MUC22: variants seen among roughly 807,000 people sequenced by gnomAD.
MUC22 encodes mucin 22, also known as mucin-22.
A neutral mutation model predicts 40.3 loss-of-function variants in MUC22; 24 were observed. The observed-to-expected ratio is 0.60, with a 90% CI of 0.43 to 0.84. The LOEUF (loss-of-function observed/expected upper bound fraction) is 0.84. Among genes scored for constraint, MUC22 ranks in the 40% least tolerant of loss-of-function variants. The probability of loss-of-function intolerance (pLI) is 0.00; values close to 1 mark genes in which losing one functional copy is unlikely to be tolerated. For synonymous variants in MUC22, 765 were observed against 844.5 expected (o/e 0.91, Z 1.63); for missense variants, 1,926 against 2,130.7 (o/e 0.90, Z 1.89).
intron 1 of MUC22, among the ~76,000 whole-genome samples, chr6:31,021,916 G>A (rs986513655): frequency 6.6e-6 from 1 of 151,930 alleles, no homozygotes; most frequent in Non-Finnish European, 1.5e-5. Context: ...CTCACTTTTT[G>A]GGTCTACACT....
exon 2 of MUC22, chr6:31,026,282 C>T (rs62399435): frequency 1.4e-6 from 2 of 1,481,038 alleles, no homozygotes; most frequent in Admixed American, 2.1e-5. Flanking sequence ...CTGATTAAAG[C>T]CTCTGAGACC....
intron 1 of MUC22, among the ~76,000 whole-genome samples, chr6:31,016,943 C>A (rs763892336): frequency 1.1e-4 from 16 of 152,344 alleles, no homozygotes; most frequent in African/African-American, 1.4e-4. Flanking sequence ...ACTTAGCACC[C>A]GGGCCAGCAG....
Position 31,021,143 on chromosome 6 carries a change from G to A in MUC22, c.71-4359G>A, listed in dbSNP as rs548056863. 3.5e-3 allele frequency among the ~76,000 whole-genome samples: 528 copies of A among 152,378 alleles called. 4 individuals carry two copies. Among genetic ancestry groups the A allele is most frequent in the Middle Eastern group, 0.017 (5 of 294 alleles). ...AGGACTGGCAGGCAGCTCCACCTGC[G>A]GCCCCGGGGCGGGATCCACTGGGTG... On this transcript the variant is annotated intron_variant, in intron 1 of 3. Transcript: ENST00000561890.
At chr6:31,014,244 G>A (rs1042524576) in intron 1 of MUC22, among the ~76,000 whole-genome samples, 20 of 152,050 alleles carry the variant, frequency 1.3e-4, no homozygotes, top group Non-Finnish European at 1.3e-4. Context: ...AATGTCCATA[G>A]TTTTCTTCAT....
At chr6:31,008,552 C>CT (rs10632347), upstream of MUC22, among the ~76,000 whole-genome samples, 28,684 of 139,972 alleles carry the variant, frequency 0.2, 3,418 homozygotes, top group East Asian at 0.38. Context: ...CTTTTTCTTT[C>CT]TTTTTTTTTT....
intron 1 of MUC22, among the ~76,000 whole-genome samples, chr6:31,022,594 A>G (rs545858382): frequency 2.7e-4 from 41 of 152,244 alleles, no homozygotes; most frequent in African/African-American, 9.4e-4. Context: ...AAGATAATAT[A>G]CTTGAGTAAT....
rs1763875105 is a variant in MUC22, at chr6:31,011,653, G to T, written c.70+877G>T. On this transcript the variant is annotated intron_variant, in intron 1 of 3. Coordinates refer to ENST00000561890, the Ensembl canonical transcript of MUC22. The surrounding 1 kb of genome is among the most constrained non-coding windows in gnomAD (Gnocchi z 4.5). ...GAATTGTGCTGCTATAAACATGTGT[G>T]TGCAAGTGTCTTTTTTGTATAATGA... Among the ~76,000 whole-genome samples, 1 of 152,224 alleles carries T rather than the reference G, an allele frequency of 6.6e-6. No individual in the cohort carries two copies. The highest frequency in any genetic ancestry group is 1.5e-5 in the Non-Finnish European group (1 of 68,046).
At chr6:31,023,031 G>A (rs530720151) in intron 1 of MUC22, among the ~76,000 whole-genome samples, 7 of 152,204 alleles carry the variant, frequency 4.6e-5, no homozygotes, top group South Asian at 2.1e-4. Context: ...TCAGGAGGCC[G>A]AGGCAGGAGA....
intron 1 of MUC22, among the ~76,000 whole-genome samples, chr6:31,012,826 G>A (rs12528087): frequency 0.049 from 7,393 of 152,168 alleles, 224 homozygotes; most frequent in South Asian, 0.12. Context: ...TTTGCTCAGT[G>A]CATTTCTCCT....
chr6:31,019,659 G>T (rs1334532240), intron 1 of MUC22, among the ~76,000 whole-genome samples: 11 of 152,236 alleles, frequency 7.2e-5, no homozygotes, highest in African/African-American at 2.7e-4. Flanking sequence ...TTCGAGGGCA[G>T]CCTGGCCAAC....
chr6:31,028,833 GACC>G, exon 2 of MUC22: 1 of 1,532,420 alleles, frequency 6.5e-7, no homozygotes, highest in Non-Finnish European at 8.7e-7. Flanking sequence ...TAGGCTCTGA[GACC>G]ACCACAGCCT....
At chr6:31,028,808 C>A in exon 2 of MUC22, 1 of 1,533,010 alleles carries the variant, frequency 6.5e-7, no homozygotes, top group Non-Finnish European at 8.7e-7. Context: ...TCTGAGACCA[C>A]TACAGCCACT....
intron 2 of MUC22, 146 bp downstream of exon 2, chr6:31,030,246 G>T: frequency 1.0e-6 from 1 of 960,148 alleles, no homozygotes; most frequent in South Asian, 1.8e-5. Context: ...GGCTGGGCGC[G>T]GTGGCTCATG....
Position 31,032,216 on chromosome 6 carries a change from A to G in MUC22, c.4690A>G (p.Arg1564Gly), listed in dbSNP as rs1766112516. 2.1e-5 allele frequency: 32 copies of G among 1,534,900 alleles called. No homozygotes were observed. The highest frequency in any genetic ancestry group is 2.7e-5 in the Non-Finnish European group (31 of 1,146,460). Residue 1564 changes from arginine (R) to glycine (G), a missense_variant, in exon 3 of 4, where the codon AGA becomes GGA. Arg to Gly is a moderately radical substitution (Grantham distance 125). Transcript: ENST00000561890. This position sits in a 1 kb window ranked among gnomAD's most constrained non-coding sequence, Gnocchi z 4.1. ...CATAGGCACCAGAACCACTGGAACC[A>G]GACTCACTGCCTCCAGCTCTGTCAC...
exon 2 of MUC22, chr6:31,025,803 C>T (rs1182168657): frequency 2.0e-6 from 3 of 1,532,102 alleles, no homozygotes; most frequent in South Asian, 2.4e-5. Flanking sequence ...CCACTGCAGG[C>T]TCTGAAACTA....
chr6:31,034,752 C>G lies in MUC22; in HGVS notation c.5136C>G (p.Asn1712Lys), dbSNP rs150640133. 6.1e-4 allele frequency: 939 copies of G among 1,535,720 alleles called. 4 individuals carry two copies. In the African/African-American group the frequency reaches 0.01, roughly 16 times the overall value. ...GCCACAGCCTTGGTCTGGACCTGAA[C>G]TTGGGCCTGGGCTCTGGGACATTCC... The change falls in exon 4 of 4, where the codon AAC (asparagine) becomes AAG (lysine). Residue 1712 changes from asparagine (N) to lysine (K), a missense_variant. Physicochemically the swap from Asn to Lys is moderately conservative, Grantham distance 94. This residue lies in a region of MUC22 where 610 missense variants were observed against 714.6 expected (regional missense o/e 0.85). Coordinates refer to ENST00000561890, the Ensembl canonical transcript of MUC22.
exon 2 of MUC22, chr6:31,026,135 C>T (rs1765295024): frequency 6.5e-7 from 1 of 1,533,154 alleles, no homozygotes; most frequent in Non-Finnish European, 8.7e-7. Flanking sequence ...ATGGCAGGCT[C>T]TGAGGCCACC....
At chr6:31,035,183 G>A (rs1766365659) in exon 4 of MUC22, 1 of 497,734 alleles carries the variant, frequency 2.0e-6, no homozygotes, top group Non-Finnish European at 3.5e-6. Flanking sequence ...ACTTTGACTG[G>A]CTTGGAGGGG....
upstream of MUC22, among the ~76,000 whole-genome samples, chr6:31,009,859 G>GAA (rs1373288064): frequency 6.6e-6 from 1 of 152,166 alleles, no homozygotes; most frequent in Non-Finnish European, 1.5e-5. Flanking sequence ...TTGACTCAGG[G>GAA]AAATGGGTAG....
Sources: gnomAD v4.1 joint callset for allele counts (sites outside exome capture counted in the v4.1 genomes callset) on GRCh38, gnomAD v4.1.1 for gene constraint, gnomAD v4.1.1 regional missense constraint, Gnocchi (gnomAD v3.1) non-coding constraint, MANE v1.5 for transcripts, NCBI Gene and HGNC (gene_info 2026-07-23, HGNC 2026-07-21) for gene names.